Variants in PTPRN2 observed in about 807,000 individuals in gnomAD.
PTPRN2 encodes protein tyrosine phosphatase receptor type N2, also known as receptor-type tyrosine-protein phosphatase N2.
In PTPRN2, 74 loss-of-function variants were observed where a neutral mutation model predicts 118.8. The ratio of observed to expected loss-of-function variants is 0.62; its 90% CI spans 0.52 to 0.76. The LOEUF is 0.76. Among genes scored for constraint, PTPRN2 ranks in the 30% least tolerant of loss-of-function variants. PTPRN2 has a pLI of 0.00. For missense variants in PTPRN2, 1,481 were observed against 1,394.4 expected, an observed-to-expected ratio of 1.06 and a Z score of -0.99; for synonymous variants, 641 against 608.0, an observed-to-expected ratio of 1.05 and a Z score of -0.80.
intron 11 of PTPRN2, among the ~76,000 whole-genome samples, chr7:158,070,875 C>T (rs1220797579): frequency 6.9e-5 from 8 of 115,216 alleles, no homozygotes; most frequent in Non-Finnish European, 1.0e-4. Flanking sequence ...GGTGGTGGTG[C>T]CCATGGTGGT....
chr7:157,890,642 A>AAAC (rs1479990384), intron 12 of PTPRN2, among the ~76,000 whole-genome samples: 1 of 152,188 alleles, frequency 6.6e-6, no homozygotes, highest in African/African-American at 2.4e-5. Flanking sequence ...ACTGTGTCTC[A>AAAC]AACAACAACA....
intron 12 of PTPRN2, chr7:157,740,533 G>A (rs1800575627): frequency 1.3e-5 from 2 of 152,352 alleles, no homozygotes; most frequent in African/African-American, 4.8e-5. Context: ...CTCTGTCCAC[G>A]GGGTGACTTC....
intron 11 of PTPRN2, among the ~76,000 whole-genome samples, chr7:157,970,854 C>T (rs1802282292): frequency 6.6e-6 from 1 of 152,206 alleles, no homozygotes; most frequent in East Asian, 1.9e-4. Flanking sequence ...GTGCCCCTGA[C>T]ACTCCCTGGT....
At chr7:158,273,128 G>C (rs60371479) in intron 3 of PTPRN2, among the ~76,000 whole-genome samples, 42,525 of 151,952 alleles carry the variant, frequency 0.28, 6,331 homozygotes, top group African/African-American at 0.39. Flanking sequence ...GAGGACTCAG[G>C]CCCCAGCTGC....
intron 1 of PTPRN2, among the ~76,000 whole-genome samples, chr7:158,550,419 T>C (rs1244765654): frequency 6.6e-6 from 1 of 152,230 alleles, no homozygotes; most frequent in Non-Finnish European, 1.5e-5. Flanking sequence ...CCCAGGGCAC[T>C]AGGCCTGAGT....
intron 12 of PTPRN2, among the ~76,000 whole-genome samples, chr7:157,760,476 A>G (rs1290661993): frequency 1.3e-5 from 2 of 152,094 alleles, no homozygotes; most frequent in Admixed American, 6.5e-5. Flanking sequence ...GGCCCAGAGC[A>G]GCTGCTCCAC....
intron 2 of PTPRN2, among the ~76,000 whole-genome samples, chr7:158,440,599 ATGG>A (rs760632180): frequency 2.3e-4 from 34 of 146,876 alleles, no homozygotes; most frequent in Non-Finnish European, 3.1e-4. Context: ...GGTGGTGGTG[ATGG>A]TGGTAATACT....
At chr7:158,336,641 A>ACACC (rs1315266862) in intron 2 of PTPRN2, among the ~76,000 whole-genome samples, 8 of 145,532 alleles carry the variant, frequency 5.5e-5, no homozygotes, top group African/African-American at 2.1e-4. Flanking sequence ...GACGTCACTC[A>ACACC]CACCCACACG....
chr7:157,548,863 C>A, intron 22 of PTPRN2, 83 bp downstream of exon 22: 1 of 404,902 alleles, frequency 2.5e-6, no homozygotes, highest in South Asian at 6.1e-5. Context: ...TTAAACCAGG[C>A]CCTCCCCGTG....
chr7:158,070,785 C>T (rs1330057900), intron 11 of PTPRN2, among the ~76,000 whole-genome samples: 29 of 81,170 alleles, frequency 3.6e-4, no homozygotes, highest in Admixed American at 1.8e-3. Flanking sequence ...TGGAGGTGCC[C>T]GTGGTGGTGG....
At chr7:157,970,411 A>T (rs1408104754) in intron 11 of PTPRN2, among the ~76,000 whole-genome samples, 1 of 152,202 alleles carries the variant, frequency 6.6e-6, no homozygotes, top group Non-Finnish European at 1.5e-5. Flanking sequence ...GGGAGGTGAC[A>T]ATCCCAGGGG....
intron 3 of PTPRN2, among the ~76,000 whole-genome samples, chr7:158,233,851 C>T (rs906546116): frequency 6.6e-6 from 1 of 152,074 alleles, no homozygotes; most frequent in Non-Finnish European, 1.5e-5. Context: ...CACAAAGGCA[C>T]CAAGAGCAGA....
chr7:158,259,659 C>G (rs931236815), intron 3 of PTPRN2, among the ~76,000 whole-genome samples: 1 of 152,184 alleles, frequency 6.6e-6, no homozygotes, highest in African/African-American at 2.4e-5. Flanking sequence ...TCCATGTGTC[C>G]CTGTGTGTAC....
intron 12 of PTPRN2, among the ~76,000 whole-genome samples, chr7:157,796,756 C>T (rs758862136): frequency 5.3e-5 from 8 of 152,128 alleles, no homozygotes; most frequent in Admixed American, 1.3e-4. Context: ...TCTCGTCCCA[C>T]GGTGGGCGTA....
At chr7:157,994,392 G>A (rs1486454409) in intron 11 of PTPRN2, among the ~76,000 whole-genome samples, 2 of 151,836 alleles carry the variant, frequency 1.3e-5, no homozygotes, top group Non-Finnish European at 2.9e-5. Flanking sequence ...TTTAGACAAG[G>A]ACAGAGACCA....
intron 11 of PTPRN2, among the ~76,000 whole-genome samples, chr7:158,058,464 TGC>T (rs1810002770): frequency 1.0e-5 from 1 of 98,968 alleles, no homozygotes; most frequent in Non-Finnish European, 2.0e-5. Flanking sequence ...ACACTCCATC[TGC>T]ACACAGTGAC....
chr7:158,444,946 C>T (rs963471692), intron 2 of PTPRN2, among the ~76,000 whole-genome samples: 6 of 152,236 alleles, frequency 3.9e-5, no homozygotes, highest in Non-Finnish European at 7.3e-5. Context: ...CGGCCGCACC[C>T]GGCGGGGCAC....
intron 2 of PTPRN2, among the ~76,000 whole-genome samples, chr7:158,434,435 G>A (rs11769149): frequency 0.37 from 56,628 of 151,754 alleles, 11,695 homozygotes; most frequent in East Asian, 0.62. Context: ...TTTTTATCTC[G>A]GAAAATGCTT....
intron 8 of PTPRN2, among the ~76,000 whole-genome samples, chr7:158,134,941 C>T (rs1174215676): frequency 6.6e-6 from 1 of 152,118 alleles, no homozygotes; most frequent in African/African-American, 2.4e-5. Context: ...AGAATTGGAA[C>T]TCAGGTCTAA....
Sources: allele counts gnomAD v4.1 joint callset (sites outside exome capture counted in the v4.1 genomes callset), GRCh38; gene constraint gnomAD v4.1.1; transcripts MANE v1.5; gene names NCBI Gene and HGNC (gene_info 2026-07-23, HGNC 2026-07-21).